The following KSR2 variants were observed in gnomAD, a reference collection of about 807,000 sequenced individuals.
The protein encoded by KSR2 is kinase suppressor of ras 2.
In KSR2, 25 loss-of-function variants were observed where a neutral mutation model predicts 107.8. The observed-to-expected ratio is 0.23, with a 90% CI of 0.17 to 0.32. KSR2 has a LOEUF of 0.32. KSR2 is among the 10% of genes least tolerant of loss of function. The pLI, the probability that KSR2 is intolerant of heterozygous loss-of-function variation, is 1.00. For synonymous variants in KSR2, 480 were observed against 507.0 expected (o/e 0.95, Z 0.71); for missense variants, 887 against 1,268.9 (o/e 0.70, Z 4.57).
intron 3 of KSR2, among the ~76,000 whole-genome samples, chr12:117,851,781 C>T (rs1892934140): frequency 6.6e-6 from 1 of 151,904 alleles, no homozygotes; most frequent in African/African-American, 2.4e-5. Flanking sequence ...GTCCCAGCTA[C>T]TCAGGAGGCT....
intron 4 of KSR2, among the ~76,000 whole-genome samples, chr12:117,679,962 A>G (rs917339374): frequency 1.3e-5 from 2 of 152,218 alleles, no homozygotes; most frequent in African/African-American, 4.8e-5. Context: ...GTTGTGACAG[A>G]GTTGGCATAA....
At chr12:117,477,209 G>C (rs1381778672) in intron 16 of KSR2, among the ~76,000 whole-genome samples, 1 of 152,146 alleles carries the variant, frequency 6.6e-6, no homozygotes, top group Non-Finnish European at 1.5e-5. Context: ...CTCTGCATGA[G>C]GCTGAAACAA....
At chr12:117,750,732 C>A (rs1593198476) in intron 4 of KSR2, among the ~76,000 whole-genome samples, 1 of 152,138 alleles carries the variant, frequency 6.6e-6, no homozygotes, top group East Asian at 1.9e-4. Context: ...ATGTGTAGCT[C>A]CCACTTATAA....
intron 1 of KSR2, among the ~76,000 whole-genome samples, chr12:117,874,970 C>T (rs1032590266): frequency 6.6e-6 from 1 of 152,146 alleles, no homozygotes; most frequent in Non-Finnish European, 1.5e-5. Flanking sequence ...TCACAGGTTG[C>T]GGAAATCCGA....
intron 2 of KSR2, among the ~76,000 whole-genome samples, chr12:117,859,258 G>A (rs546681969): frequency 7.0e-6 from 1 of 143,724 alleles, no homozygotes; most frequent in Non-Finnish European, 1.5e-5. Flanking sequence ...CTATTCTCCT[G>A]CCTCAGCCTC....
At chr12:117,596,423 C>G (rs917255984) in intron 5 of KSR2, among the ~76,000 whole-genome samples, 1 of 152,150 alleles carries the variant, frequency 6.6e-6, no homozygotes, top group Non-Finnish European at 1.5e-5. Context: ...CAAACCACAT[C>G]ACCAGGCATC....
chr12:117,566,328 C>G (rs951288861), intron 7 of KSR2, among the ~76,000 whole-genome samples: 6 of 152,162 alleles, frequency 3.9e-5, no homozygotes, highest in Non-Finnish European at 8.8e-5. Context: ...CCATGTTGGC[C>G]AGGATGGTCT....
At chr12:117,778,919 G>A (rs920152665) in intron 3 of KSR2, among the ~76,000 whole-genome samples, 2 of 152,180 alleles carry the variant, frequency 1.3e-5, no homozygotes, top group Admixed American at 1.3e-4. Context: ...GCTAAAAGTA[G>A]CATTCGATGA....
At chr12:117,951,059 C>T (rs1013521976) in intron 1 of KSR2, among the ~76,000 whole-genome samples, 1 of 152,000 alleles carries the variant, frequency 6.6e-6, no homozygotes, top group African/African-American at 2.4e-5. Context: ...AGGCGCCCGC[C>T]ACCACACCCA....
At chr12:117,499,001 T>C (rs925602993) in intron 14 of KSR2, among the ~76,000 whole-genome samples, 2 of 152,182 alleles carry the variant, frequency 1.3e-5, no homozygotes, top group Non-Finnish European at 2.9e-5. Context: ...ACACATGAAA[T>C]AGACCATGAG....
chr12:117,950,004 C>T lies in KSR2; in HGVS notation c.180+18072G>A, dbSNP rs552476949. Among the ~76,000 whole-genome samples the T allele has an allele frequency of 2.6e-5, 4 of 151,328 alleles. No individual in the cohort carries two copies. In the East Asian group the frequency reaches 7.8e-4, roughly 29 times the overall value. On this transcript the variant is annotated intron_variant, in intron 1 of 19. Coordinates refer to ENST00000339824, the MANE Select transcript of KSR2 (RefSeq NM_173598.6). ...TTTTTTTTCTTTTGAGATAGAGTCT[C>T]ACTCTGTCTCCCAGGCTGGAGTGCA... is the stretch of plus-strand genomic sequence containing the variant.
chr12:117,538,325 A>T (rs182255106), intron 10 of KSR2, among the ~76,000 whole-genome samples: 1 of 152,210 alleles, frequency 6.6e-6, no homozygotes, highest in Non-Finnish European at 1.5e-5. Context: ...ACTTAACAAA[A>T]AACCCAAAGT....
chr12:117,707,289 T>C (rs925536322), intron 4 of KSR2, among the ~76,000 whole-genome samples: 1 of 152,168 alleles, frequency 6.6e-6, no homozygotes, highest in African/African-American at 2.4e-5. Flanking sequence ...TTGAGGTTTC[T>C]TTTCGGGGTG....
At chr12:117,854,418 G>C (rs1424612144) in intron 3 of KSR2, among the ~76,000 whole-genome samples, 1 of 152,196 alleles carries the variant, frequency 6.6e-6, no homozygotes, top group Non-Finnish European at 1.5e-5. Flanking sequence ...AGTATGTTCT[G>C]TTTTGTTCAC....
chr12:117,512,244 C>T (rs966868666), intron 14 of KSR2, among the ~76,000 whole-genome samples: 1 of 152,168 alleles, frequency 6.6e-6, no homozygotes, highest in African/African-American at 2.4e-5. Context: ...TCAACACCAG[C>T]CTCTAAGCTG....
At chr12:117,549,338 G>T (rs1378821178) in intron 9 of KSR2, among the ~76,000 whole-genome samples, 1 of 152,120 alleles carries the variant, frequency 6.6e-6, no homozygotes, top group Non-Finnish European at 1.5e-5. Context: ...AGAAAGTCAG[G>T]CATCTATCCA....
At chr12:117,859,653 C>T (rs192158309) in intron 2 of KSR2, among the ~76,000 whole-genome samples, 33 of 150,418 alleles carry the variant, frequency 2.2e-4, no homozygotes, top group Admixed American at 6.0e-4. Flanking sequence ...GATGGAGTTT[C>T]GCCATGTTGC....
chr12:117,923,063 G>C (rs1895392252), intron 1 of KSR2, among the ~76,000 whole-genome samples: 1 of 152,090 alleles, frequency 6.6e-6, no homozygotes, highest in South Asian at 2.1e-4. Flanking sequence ...AATGCCCCCG[G>C]TTAGTGATAA....
chr12:117,604,562 G>A (rs1257966807), intron 5 of KSR2, among the ~76,000 whole-genome samples: 1 of 152,108 alleles, frequency 6.6e-6, no homozygotes, highest in Non-Finnish European at 1.5e-5. Context: ...TTAGAAAAAT[G>A]AAACAGACAA....
Sources: gnomAD v4.1 joint callset for allele counts (sites outside exome capture counted in the v4.1 genomes callset) on GRCh38, gnomAD v4.1.1 for gene constraint, MANE v1.5 for transcripts, NCBI Gene and HGNC (gene_info 2026-07-23, HGNC 2026-07-21) for gene names.